QTMAN: variants seen among roughly 807,000 people sequenced by gnomAD.
QTMAN encodes the protein tRNA-queuosine alpha-mannosyltransferase.
chr2:144,065,152 C>T, the QTMAN span, among the ~76,000 whole-genome samples: 2 of 152,174 alleles, frequency 1.3e-5, no homozygotes, highest in Admixed American at 1.3e-4. Context: ...AGCACAATAG[C>T]TGCAGTGGCC....
the QTMAN span, among the ~76,000 whole-genome samples, chr2:143,992,732 C>T: frequency 2.0e-5 from 3 of 152,004 alleles, no homozygotes; most frequent in East Asian, 1.9e-4. Flanking sequence ...GGATGTTCTT[C>T]GGGCAGAAGA....
the QTMAN span, among the ~76,000 whole-genome samples, chr2:144,182,790 TATATATATTATATATATA>T: frequency 0.053 from 1,431 of 27,082 alleles, 63 homozygotes; most frequent in African/African-American, 0.058. Context: ...GTACATTATA[TATATATATTATATATATA>T]ATATATATAT....
At chr2:144,308,147 C>CAT in the QTMAN span, among the ~76,000 whole-genome samples, 1 of 147,944 alleles carries the variant, frequency 6.8e-6, no homozygotes, top group Non-Finnish European at 1.5e-5. Context: ...AAAACCCACA[C>CAT]ATATATGATT....
At chr2:144,077,591 C>A in the QTMAN span, among the ~76,000 whole-genome samples, 4 of 152,138 alleles carry the variant, frequency 2.6e-5, no homozygotes, top group African/African-American at 7.2e-5. Flanking sequence ...TCAGCAATTG[C>A]TTTTTCAGAA....
the QTMAN span, among the ~76,000 whole-genome samples, chr2:144,110,311 T>C: frequency 2.6e-5 from 4 of 152,100 alleles, no homozygotes; most frequent in South Asian, 6.2e-4. Flanking sequence ...GAACACCGCA[T>C]GTTCTCACTC....
chr2:143,976,437 A>G, the QTMAN span, among the ~76,000 whole-genome samples: 1 of 152,186 alleles, frequency 6.6e-6, no homozygotes, highest in Non-Finnish European at 1.5e-5. Flanking sequence ...CCCATTATGA[A>G]ATAGCACTTC....
the QTMAN span, among the ~76,000 whole-genome samples, chr2:144,102,982 C>T: frequency 6.6e-6 from 1 of 152,152 alleles, no homozygotes; most frequent in Non-Finnish European, 1.5e-5. Context: ...TTCCCCAAAC[C>T]CCACCAAACT....
the QTMAN span, among the ~76,000 whole-genome samples, chr2:144,025,002 C>T: frequency 2.0e-5 from 3 of 152,158 alleles, no homozygotes; most frequent in Non-Finnish European, 4.4e-5. Context: ...ACTCCATTAT[C>T]GTAGGATGTG....
chr2:144,260,010 G>A, the QTMAN span, among the ~76,000 whole-genome samples: 1 of 152,162 alleles, frequency 6.6e-6, no homozygotes, highest in East Asian at 1.9e-4. Flanking sequence ...AAAATTTGGA[G>A]GTGGGAGAAA....
chr2:144,271,567 C>T, the QTMAN span, among the ~76,000 whole-genome samples: 1 of 152,070 alleles, frequency 6.6e-6, no homozygotes, highest in Non-Finnish European at 1.5e-5. Flanking sequence ...TGAGAAATCA[C>T]CTGTGAAATT....
the QTMAN span, among the ~76,000 whole-genome samples, chr2:144,231,657 G>A: frequency 6.6e-6 from 1 of 151,954 alleles, no homozygotes; most frequent in African/African-American, 2.4e-5. Flanking sequence ...GCCTCTGTGT[G>A]TAGTTAGAAT....
the QTMAN span, among the ~76,000 whole-genome samples, chr2:144,188,858 TTTAA>T: frequency 1.3e-5 from 2 of 152,222 alleles, no homozygotes; most frequent in African/African-American, 4.8e-5. Context: ...TAGTGTTTTC[TTTAA>T]TTAGCAAGAA....
At chr2:144,066,508 G>C in the QTMAN span, among the ~76,000 whole-genome samples, 1 of 152,184 alleles carries the variant, frequency 6.6e-6, no homozygotes, top group African/African-American at 2.4e-5. Flanking sequence ...AGTCCATCTA[G>C]CCTGCCTAAG....
chr2:144,191,574 G>T, the QTMAN span, among the ~76,000 whole-genome samples: 2 of 152,068 alleles, frequency 1.3e-5, no homozygotes, highest in Non-Finnish European at 2.9e-5. Context: ...AATTTTGATT[G>T]ATATTTCTTA....
chr2:144,058,492 G>A, the QTMAN span, among the ~76,000 whole-genome samples: 1 of 152,056 alleles, frequency 6.6e-6, no homozygotes, highest in African/African-American at 2.4e-5. Flanking sequence ...TCTATTAATA[G>A]GTTATTATAT....
the QTMAN span, among the ~76,000 whole-genome samples, chr2:144,038,545 T>C: frequency 3.8e-4 from 58 of 152,310 alleles, no homozygotes; most frequent in Non-Finnish European, 7.9e-4. Flanking sequence ...AAGAAGCAAC[T>C]ACGGTATACC....
the QTMAN span, chr2:144,141,818 A>G: frequency 1.6e-6 from 2 of 1,263,332 alleles, no homozygotes; most frequent in South Asian, 1.4e-5. Context: ...GAAGAACATC[A>G]ATTTTTATAC....
the QTMAN span, among the ~76,000 whole-genome samples, chr2:144,004,968 G>T: frequency 6.6e-6 from 1 of 152,136 alleles, no homozygotes; most frequent in East Asian, 1.9e-4. Context: ...CTCATCTCCA[G>T]GCTAGCAGTG....
the QTMAN span, among the ~76,000 whole-genome samples, chr2:144,314,295 G>C: frequency 2.6e-5 from 4 of 152,006 alleles, no homozygotes; most frequent in Non-Finnish European, 5.9e-5. Context: ...GATACAAAAG[G>C]GTATATACTC....
Sources: gnomAD v4.1 joint callset for allele counts (sites outside exome capture counted in the v4.1 genomes callset) on GRCh38, gnomAD v4.1.1 for gene constraint, MANE v1.5 for transcripts, NCBI Gene and HGNC (gene_info 2026-07-23, HGNC 2026-07-21) for gene names.